Variants in TENM3 observed in about 807,000 individuals in gnomAD.
TENM3 encodes teneurin-3.
TENM3 carries 63 observed loss-of-function variants against 255.1 expected under a neutral mutation model. The ratio of observed to expected loss-of-function variants is 0.25; its 90% CI spans 0.20 to 0.30. The LOEUF is 0.30. TENM3 is among the 10% of genes least tolerant of loss of function. The pLI is 1.00. For synonymous variants in TENM3, 1,306 were observed against 1,322.3 expected (o/e 0.99, Z 0.27); for missense variants, 2,929 against 3,461.1 (o/e 0.85, Z 3.86).
At chr4:182,047,619 A>G in the TENM3 span, among the ~76,000 whole-genome samples, 91 of 151,862 alleles carry the variant, frequency 6.0e-4, no homozygotes, top group African/African-American at 2.1e-3. Context: ...GGGAAATAAT[A>G]TAGTAGGCAG....
chr4:181,939,024 A>T, the TENM3 span, among the ~76,000 whole-genome samples: 1 of 152,184 alleles, frequency 6.6e-6, no homozygotes, highest in Non-Finnish European at 1.5e-5. Flanking sequence ...ACATGCTATA[A>T]AGACAACTCT....
intron 12 of TENM3, among the ~76,000 whole-genome samples, chr4:182,708,460 A>T (rs1758460048): frequency 6.6e-6 from 1 of 152,138 alleles, no homozygotes; most frequent in Admixed American, 6.5e-5. Flanking sequence ...AACATATGTG[A>T]ATTTTTCTGG....
chr4:182,475,153 A>G (rs1370437765), intron 3 of TENM3, among the ~76,000 whole-genome samples: 1 of 152,234 alleles, frequency 6.6e-6, no homozygotes, highest in Non-Finnish European at 1.5e-5. Flanking sequence ...TATTTCTGGA[A>G]TAGGAGGACT....
chr4:182,152,167 A>G (rs1408723985), intron 1 of TENM3, among the ~76,000 whole-genome samples: 1 of 151,956 alleles, frequency 6.6e-6, no homozygotes, highest in Non-Finnish European at 1.5e-5. Flanking sequence ...ACTATTAATG[A>G]ATTTAATAGT....
chr4:181,814,587 C>A, the TENM3 span, among the ~76,000 whole-genome samples: 2 of 149,390 alleles, frequency 1.3e-5, no homozygotes, highest in Non-Finnish European at 3.0e-5. Context: ...TTTTTAAATG[C>A]GTGTGTGTGT....
At chr4:182,490,587 G>A (rs1287053431) in intron 3 of TENM3, among the ~76,000 whole-genome samples, 1 of 152,102 alleles carries the variant, frequency 6.6e-6, no homozygotes, top group African/African-American at 2.4e-5. Context: ...TTGACTTCAT[G>A]GAAAAGTGAA....
chr4:182,692,851 T>G (rs1260288190), intron 12 of TENM3, among the ~76,000 whole-genome samples: 1 of 146,180 alleles, frequency 6.8e-6, no homozygotes, highest in African/African-American at 2.6e-5. Flanking sequence ...AGAATGGGAG[T>G]TTTTTTTTTA....
the TENM3 span, among the ~76,000 whole-genome samples, chr4:182,115,987 A>G: frequency 6.6e-6 from 1 of 152,202 alleles, no homozygotes; most frequent in Non-Finnish European, 1.5e-5. Context: ...TACAATCAAC[A>G]TCCCACAACA....
intron 3 of TENM3, among the ~76,000 whole-genome samples, chr4:182,438,032 C>T (rs1250209415): frequency 6.6e-6 from 1 of 152,012 alleles, no homozygotes; most frequent in Non-Finnish European, 1.5e-5. Context: ...TCCTGGATGG[C>T]CATTTAAAGG....
In TENM3 at chr4:182,217,323, A is replaced by C. The variant is rs72696055; in HGVS notation, c.-76+72569A>C. Among the ~76,000 whole-genome samples, 787 of 151,992 alleles carry C rather than the reference A, an allele frequency of 5.2e-3. 16 individuals carry two copies. In the South Asian group the frequency reaches 0.06, roughly 12 times the overall value. Reference sequence around the variant, plus strand: ...GACGTGAGCCACCGCACCTGGCCTAAATTTCACCATCGTTTCTATTCATAA... The same window carrying C: ...GACGTGAGCCACCGCACCTGGCCTACATTTCACCATCGTTTCTATTCATAA... On this transcript the variant is annotated intron_variant, in intron 1 of 2. Coordinates refer to the TENM3 transcript ENST00000512480.
intron 3 of TENM3, among the ~76,000 whole-genome samples, chr4:182,400,773 G>T (rs189215869): frequency 3.9e-4 from 59 of 152,122 alleles, no homozygotes; most frequent in African/African-American, 1.4e-3. Flanking sequence ...GTGTTATTTC[G>T]TTACTGAAAA....
At chr4:181,720,992 A>G in the TENM3 span, among the ~76,000 whole-genome samples, 253 of 152,278 alleles carry the variant, frequency 1.7e-3, no homozygotes, top group African/African-American at 5.8e-3. Context: ...TGCCAGAAGC[A>G]CATAGGAGAG....
intron 3 of TENM3, among the ~76,000 whole-genome samples, chr4:182,426,027 A>G (rs1352768418): frequency 7.8e-6 from 1 of 127,746 alleles, no homozygotes; most frequent in Non-Finnish European, 1.7e-5. Flanking sequence ...AAAAAAAAAA[A>G]AAACACTCGA....
intron 4 of TENM3, among the ~76,000 whole-genome samples, chr4:182,614,144 CTTAT>C (rs995582503): frequency 6.6e-6 from 1 of 151,930 alleles, no homozygotes; most frequent in Non-Finnish European, 1.5e-5. Flanking sequence ...TGCTTATTTT[CTTAT>C]TTAAAGTGTT....
the TENM3 span, among the ~76,000 whole-genome samples, chr4:181,679,238 C>G: frequency 6.6e-6 from 1 of 152,066 alleles, no homozygotes; most frequent in Non-Finnish European, 1.5e-5. Context: ...GTTTCTGTAG[C>G]CTCATTTCCC....
the TENM3 span, among the ~76,000 whole-genome samples, chr4:181,846,213 G>A: frequency 6.6e-6 from 1 of 151,912 alleles, no homozygotes; most frequent in African/African-American, 2.4e-5. Context: ...TTTGGAGTTT[G>A]TCTATAAATA....
At position 182,606,320 on chromosome 4, in the gene TENM3, T is replaced by G. The variant is rs867382843; in HGVS notation, c.749+5159T>G. Among the ~76,000 whole-genome samples, 142 of 152,102 alleles carry G rather than the reference T, an allele frequency of 9.3e-4. 1 individual carries two copies. The highest frequency in any genetic ancestry group is 3.4e-3 in the Middle Eastern group (1 of 294). On this transcript the variant is annotated intron_variant, in intron 4 of 27. Transcript: ENST00000511685. ...GGGTGGATCACCTGAGGTCAGGAGT[T>G]TGAGACCAGCCTGGCCAACATGGTG...
At chr4:182,126,950 A>G in the TENM3 span, among the ~76,000 whole-genome samples, 1 of 152,184 alleles carries the variant, frequency 6.6e-6, no homozygotes. Context: ...ACAAATCACC[A>G]ATCTACCTTT....
intron 22 of TENM3, among the ~76,000 whole-genome samples, chr4:182,759,016 G>A (rs527897736): frequency 6.6e-5 from 10 of 152,280 alleles, no homozygotes; most frequent in Non-Finnish European, 1.3e-4. Flanking sequence ...GATGGAAGAA[G>A]ATCTGGAATC....
Sources: allele counts gnomAD v4.1 joint callset (sites outside exome capture counted in the v4.1 genomes callset), GRCh38; gene constraint gnomAD v4.1.1; transcripts MANE v1.5; gene names NCBI Gene and HGNC (gene_info 2026-07-23, HGNC 2026-07-21).